CAPZA1: variants seen among roughly 807,000 people sequenced by gnomAD.
CAPZA1 encodes the protein capping actin protein of muscle Z-line subunit alpha 1.
Under a neutral mutation model 40.8 loss-of-function variants are expected in CAPZA1, and 10 were observed. The ratio of observed to expected loss-of-function variants is 0.25; its 90% CI spans 0.15 to 0.42. The LOEUF (loss-of-function observed/expected upper bound fraction) is 0.42, where lower values mean the gene tolerates loss of function less well. Among genes scored for constraint, CAPZA1 ranks in the 10% least tolerant of loss-of-function variants. The pLI is 1.00. For synonymous variants in CAPZA1, 98 were observed against 115.0 expected, an observed-to-expected ratio of 0.85 and a Z score of 0.95; for missense variants, 277 against 353.8, an observed-to-expected ratio of 0.78 and a Z score of 1.74.
chr1:112,620,950 A>G (rs1312950344), intron 1 of CAPZA1: 2 of 152,206 alleles, frequency 1.3e-5, no homozygotes, highest in African/African-American at 4.8e-5. Context: ...GCTATTAGAA[A>G]ATGTGTCCCC....
chr1:112,639,360 T>C (rs1671088726), intron 1 of CAPZA1, among the ~76,000 whole-genome samples: 1 of 152,208 alleles, frequency 6.6e-6, no homozygotes. Flanking sequence ...GAACAGGGAA[T>C]ATTAAGTTTT....
chr1:112,624,350 C>T (rs1367736597), intron 1 of CAPZA1, among the ~76,000 whole-genome samples: 1 of 151,736 alleles, frequency 6.6e-6, no homozygotes, highest in Non-Finnish European at 1.5e-5. Flanking sequence ...GGCTCACGCT[C>T]GTAATCCCAG....
Position 112,665,043 on chromosome 1 carries a change from GAGTA to G in CAPZA1, c.586-2027_586-2024del, listed in dbSNP as rs148504844. Among the ~76,000 whole-genome samples the G allele has an allele frequency of 6.1e-3, 925 of 152,296 alleles. 4 individuals are homozygous for G. Among genetic ancestry groups the G allele is most frequent in the South Asian group, 0.016 (76 of 4,834 alleles). On this transcript the variant is annotated intron_variant, in intron 7 of 9. Transcript: ENST00000263168. ...AATAGCTCCTACAGCTAAGATTACT[GAGTA>G]AGTGAGATGAAGTAAGTGAAGATTA...
intron 1 of CAPZA1, chr1:112,646,768 G>A (rs1390653611): frequency 1.3e-5 from 2 of 149,156 alleles, no homozygotes; most frequent in Admixed American, 6.7e-5. Context: ...GAGTTGAGAT[G>A]ATCACATGGT....
chr1:112,658,375 T>C (rs1398617252), intron 5 of CAPZA1, among the ~76,000 whole-genome samples: 1 of 152,196 alleles, frequency 6.6e-6, no homozygotes, highest in African/African-American at 2.4e-5. Flanking sequence ...TGCTAGACTT[T>C]GATTGTACTT....
intron 6 of CAPZA1, chr1:112,659,436 C>T (rs961788503): frequency 9.3e-6 from 5 of 539,058 alleles, no homozygotes; most frequent in South Asian, 7.7e-5. Flanking sequence ...GCAGAATAGG[C>T]ATGGTTTTCC....
chr1:112,628,312 A>T (rs1670855137), intron 1 of CAPZA1, among the ~76,000 whole-genome samples: 1 of 152,218 alleles, frequency 6.6e-6, no homozygotes, highest in Non-Finnish European at 1.5e-5. Flanking sequence ...CTGTGGTTCA[A>T]ATCTTAGTCC....
chr1:112,642,207 T>G (rs1372747479), intron 1 of CAPZA1, among the ~76,000 whole-genome samples: 1 of 127,438 alleles, frequency 7.8e-6, no homozygotes, highest in Non-Finnish European at 1.6e-5. Flanking sequence ...CGCACCTTTT[T>G]TTTTTTTTTT....
chr1:112,651,551 G>A (rs550036882), intron 3 of CAPZA1, among the ~76,000 whole-genome samples: 1 of 152,130 alleles, frequency 6.6e-6, no homozygotes, highest in African/African-American at 2.4e-5. Context: ...AAGAATCAAA[G>A]ATCACCCCAA....
At chr1:112,660,667 A>G (rs936907802) in intron 7 of CAPZA1, among the ~76,000 whole-genome samples, 2 of 152,178 alleles carry the variant, frequency 1.3e-5, no homozygotes, top group African/African-American at 4.8e-5. Flanking sequence ...TCTGGATTGA[A>G]GTTTAATATC....
chr1:112,662,296 A>G (rs1671627818), intron 7 of CAPZA1, among the ~76,000 whole-genome samples: 1 of 151,754 alleles, frequency 6.6e-6, no homozygotes, highest in Non-Finnish European at 1.5e-5. Context: ...TTTTTTGTAG[A>G]GTCGGGGTCT....
In CAPZA1 at chr1:112,671,182, T is replaced by C. The variant is rs1557740354; in HGVS notation, c.*1050T>C. On this transcript the variant is annotated 3_prime_UTR_variant, in exon 10 of 10. Transcript: ENST00000263168. ...CTTTCAAATTACTCTTCCTCAGTCC[T>C]GCCTGCCAAGAACTCAAGTGTAACT... 1 of 152,668 alleles carries C rather than the reference T, an allele frequency of 6.6e-6. No individual in the cohort carries two copies. The highest frequency in any genetic ancestry group is 1.5e-5 in the Non-Finnish European group (1 of 68,036). 9.5% of individuals were successfully genotyped at this position (152,668 alleles called of 1,614,324 possible). A position where few individuals can be genotyped will look rare whatever the true frequency, so the allele number is the denominator to read the frequency against.
At chr1:112,626,948 CT>C (rs1303776995) in intron 1 of CAPZA1, among the ~76,000 whole-genome samples, 1 of 152,194 alleles carries the variant, frequency 6.6e-6, no homozygotes, top group Non-Finnish European at 1.5e-5. Flanking sequence ...GGTAAGAGAA[CT>C]TTGCTTTGTG....
Position 112,647,230 on chromosome 1 carries a change from C to A in CAPZA1, c.60C>A (p.Phe20Leu). 1.3e-6 allele frequency: 2 copies of A among 1,529,954 alleles called. No individual in the cohort carries two copies. The highest frequency in any genetic ancestry group is 1.4e-5 in the African/African-American group (1 of 73,184). The allele number at this position is 1,529,954 out of a possible 1,614,324, so 94.8% of individuals were successfully genotyped here. ...DEEKVRIAAK[F>L]ITHAPPGEFN... Reference sequence around the variant, plus strand: ...TTTAGGTACGCATAGCTGCTAAATTCATCACTCATGCACCCCCAGGGGAAT... The same window carrying A: ...TTTAGGTACGCATAGCTGCTAAATTAATCACTCATGCACCCCCAGGGGAAT... The change falls in exon 2 of 10, where the codon TTC becomes TTA. Residue 20 changes from phenylalanine to leucine, a missense_variant. By Grantham distance (22) the Phe-to-Leu change is conservative. Coordinates refer to ENST00000263168, the MANE Select transcript of CAPZA1 (RefSeq NM_006135.3).
intron 8 of CAPZA1, among the ~76,000 whole-genome samples, 161 bp from the exon 9 acceptor site, chr1:112,669,382 T>C (rs1671786349): frequency 1.3e-5 from 2 of 152,160 alleles, no homozygotes; most frequent in African/African-American, 4.8e-5. Context: ...GTGTCTTCCA[T>C]AGAGTTGTTG....
intron 1 of CAPZA1, among the ~76,000 whole-genome samples, chr1:112,629,766 C>A (rs148627496): frequency 6.6e-6 from 1 of 152,192 alleles, no homozygotes; most frequent in Non-Finnish European, 1.5e-5. Flanking sequence ...CTTAGTTCAT[C>A]CTTCTCTTTT....
chr1:112,644,625 T>C (rs965648719), intron 1 of CAPZA1, among the ~76,000 whole-genome samples: 3 of 152,120 alleles, frequency 2.0e-5, no homozygotes, highest in Non-Finnish European at 4.4e-5. Flanking sequence ...GAAATAAGGC[T>C]CAGTTTATTG....
chr1:112,642,178 C>A (rs920335409), intron 1 of CAPZA1, among the ~76,000 whole-genome samples: 5 of 147,476 alleles, frequency 3.4e-5, no homozygotes, highest in African/African-American at 1.3e-4. Flanking sequence ...TCAAACATCA[C>A]AGCCTCTGAA....
chr1:112,638,473 C>T (rs1325011849), intron 1 of CAPZA1, among the ~76,000 whole-genome samples: 1 of 152,102 alleles, frequency 6.6e-6, no homozygotes, highest in East Asian at 1.9e-4. Flanking sequence ...CACCACTACG[C>T]CCGGCTAGTG....
Sources: allele counts gnomAD v4.1 joint callset (sites outside exome capture counted in the v4.1 genomes callset), GRCh38; gene constraint gnomAD v4.1.1; transcripts MANE v1.5; gene names NCBI Gene and HGNC (gene_info 2026-07-23, HGNC 2026-07-21).